Variants in LRRC37A3 observed in about 807,000 individuals in gnomAD.
The protein encoded by LRRC37A3 is leucine rich repeat containing 37 member A3, also known as leucine-rich repeat-containing protein 37A3.
Under a neutral mutation model 106.2 loss-of-function variants are expected in LRRC37A3, and 25 were observed. The observed-to-expected ratio is 0.24, with a 90% CI of 0.17 to 0.33. LRRC37A3 has a LOEUF of 0.33. Ranked by LOEUF, LRRC37A3 falls within the 10% of genes least tolerant of loss-of-function variation. The probability of loss-of-function intolerance (pLI) is 1.00; values close to 1 mark genes in which losing one functional copy is unlikely to be tolerated. For synonymous variants in LRRC37A3, 305 were observed against 635.8 expected (o/e 0.48, Z 7.83); for missense variants, 712 against 1,644.9 (o/e 0.43, Z 9.81).
At chr17:64,856,194 A>C (rs1188924827) in intron 13 of LRRC37A3, among the ~76,000 whole-genome samples, 1 of 151,886 alleles carries the variant, frequency 6.6e-6, no homozygotes, top group Admixed American at 6.6e-5. Context: ...CCTATACTTT[A>C]TTTACTTAGC....
chr17:64,881,878 C>G (rs1456061665), intron 8 of LRRC37A3, among the ~76,000 whole-genome samples: 8 of 149,046 alleles, frequency 5.4e-5, no homozygotes, highest in African/African-American at 1.7e-4. Flanking sequence ...CAGCCAGGAG[C>G]TCCAGAAGCG....
intron 2 of LRRC37A3, among the ~76,000 whole-genome samples, chr17:64,908,731 C>T (rs1346836738): frequency 8.3e-6 from 1 of 119,934 alleles, no homozygotes. Flanking sequence ...GAGCCAAGAT[C>T]GCACCACTGC....
At chr17:64,863,822 T>A (rs559942608) in intron 10 of LRRC37A3, among the ~76,000 whole-genome samples, 1 of 152,140 alleles carries the variant, frequency 6.6e-6, no homozygotes, top group African/African-American at 2.4e-5. Context: ...TATTATTTTT[T>A]ATTTTTATTT....
At chr17:64,918,308 G>C (rs1598441372) in intron 2 of LRRC37A3, among the ~76,000 whole-genome samples, 1 of 150,714 alleles carries the variant, frequency 6.6e-6, no homozygotes, top group African/African-American at 2.4e-5. Context: ...AATTGGGATA[G>C]CATACTAAGA....
intron 2 of LRRC37A3, among the ~76,000 whole-genome samples, chr17:64,916,937 G>A (rs1489939004): frequency 2.0e-5 from 3 of 148,960 alleles, no homozygotes; most frequent in Non-Finnish European, 3.0e-5. Flanking sequence ...ACTTATTAAG[G>A]TGGCCAAAAA....
intron 8 of LRRC37A3, among the ~76,000 whole-genome samples, chr17:64,869,445 A>C (rs1169146633): frequency 6.6e-6 from 1 of 152,056 alleles, no homozygotes; most frequent in Non-Finnish European, 1.5e-5. Flanking sequence ...CAGGTCAAAA[A>C]CCCTAAAAGT....
chr17:64,869,963 G>A (rs1459355348), intron 8 of LRRC37A3, among the ~76,000 whole-genome samples: 2 of 150,512 alleles, frequency 1.3e-5, no homozygotes, highest in Non-Finnish European at 2.9e-5. Context: ...GGAAGAACTG[G>A]TCAAAACCAT....
intron 8 of LRRC37A3, among the ~76,000 whole-genome samples, chr17:64,874,417 C>G (rs1202962415): frequency 6.6e-6 from 1 of 151,192 alleles, no homozygotes; most frequent in Non-Finnish European, 1.5e-5. Context: ...CCGGCAGTCG[C>G]CCCGTCTGAG....
At chr17:64,909,608 C>A (rs1454063850) in intron 2 of LRRC37A3, 1 of 152,142 alleles carries the variant, frequency 6.6e-6, no homozygotes, top group Non-Finnish European at 1.5e-5. Context: ...AGTTTGAAAA[C>A]CACTGCTTTA....
At chr17:64,869,220 A>G (rs1461533137) in intron 8 of LRRC37A3, 54 bp from the exon 9 acceptor site, 2 of 1,598,658 alleles carry the variant, frequency 1.3e-6, no homozygotes, top group Middle Eastern at 1.8e-4. Context: ...GTAAAACTGC[A>G]TGAAAAGTTT....
intron 8 of LRRC37A3, among the ~76,000 whole-genome samples, chr17:64,884,318 A>T (rs1262707617): frequency 6.6e-6 from 1 of 151,402 alleles, no homozygotes; most frequent in Non-Finnish European, 1.5e-5. Context: ...ACATAATTGT[A>T]GTGAAGCTGG....
At chr17:64,919,212 G>A (rs989572583) in intron 1 of LRRC37A3, among the ~76,000 whole-genome samples, 19 of 152,106 alleles carry the variant, frequency 1.2e-4, no homozygotes, top group Admixed American at 5.2e-4. Context: ...GCGCTCCGCA[G>A]AGGGAGCCGC....
chr17:64,876,472 A>C (rs1205847806), intron 8 of LRRC37A3, among the ~76,000 whole-genome samples: 1 of 152,248 alleles, frequency 6.6e-6, no homozygotes, highest in African/African-American at 2.4e-5. Flanking sequence ...GGTGTGAGCC[A>C]CTGCACTGCA....
intron 8 of LRRC37A3, among the ~76,000 whole-genome samples, chr17:64,873,371 G>C (rs998114337): frequency 2.0e-5 from 3 of 151,902 alleles, no homozygotes; most frequent in Non-Finnish European, 4.4e-5. Context: ...AGTTACCCAG[G>C]GTGGTCTTGA....
At chr17:64,854,968 GCTGGGATTACAGGC>G (rs1395072009) in intron 14 of LRRC37A3, among the ~76,000 whole-genome samples, 1 of 152,190 alleles carries the variant, frequency 6.6e-6, no homozygotes, top group Non-Finnish European at 1.5e-5. Flanking sequence ...CTCCCAAGTA[GCTGGGATTACAGGC>G]CTGCGCCACC....
intron 8 of LRRC37A3, among the ~76,000 whole-genome samples, chr17:64,873,389 GCCTCAGCCTCAA>G (rs1973386821): frequency 6.6e-6 from 1 of 152,008 alleles, no homozygotes; most frequent in East Asian, 1.9e-4. Flanking sequence ...TGAACTCCTG[GCCTCAGCCTCAA>G]CCTCAGCCTC....
At chr17:64,854,705 C>A (rs1972615575) in intron 14 of LRRC37A3, 61 bp from the exon 15 acceptor site, 4 of 1,612,130 alleles carry the variant, frequency 2.5e-6, no homozygotes, top group African/African-American at 2.7e-5. Flanking sequence ...AAGCTTCTCA[C>A]CCCCTCCTCA....
At chr17:64,866,610 ATATATATATATATATATATTT>A (rs1183767376) in intron 10 of LRRC37A3, among the ~76,000 whole-genome samples, 4 of 20,224 alleles carry the variant, frequency 2.0e-4, no homozygotes, top group African/African-American at 1.2e-3. Flanking sequence ...ATATATATAT[ATATATATATATATATATATTT>A]TTTTTTTTTT....
chr17:64,877,996 T>C (rs1973572712), intron 8 of LRRC37A3, among the ~76,000 whole-genome samples: 1 of 152,174 alleles, frequency 6.6e-6, no homozygotes, highest in Non-Finnish European at 1.5e-5. Context: ...CACACGATTA[T>C]AAGAATTGAT....
Sources: gnomAD v4.1 joint callset for allele counts (sites outside exome capture counted in the v4.1 genomes callset) on GRCh38, gnomAD v4.1.1 for gene constraint, MANE v1.5 for transcripts, NCBI Gene and HGNC (gene_info 2026-07-23, HGNC 2026-07-21) for gene names.